Variants in AKT3 observed in about 807,000 individuals in gnomAD.
AKT3 encodes AKT serine/threonine kinase 3.
A neutral mutation model predicts 65.3 loss-of-function variants in AKT3; 15 were observed. The ratio of observed to expected loss-of-function variants is 0.23; its 90% CI spans 0.15 to 0.35. AKT3 has a LOEUF of 0.35. Ranked by LOEUF, AKT3 falls within the 10% of genes least tolerant of loss-of-function variation. AKT3 has a pLI of 1.00. For synonymous variants in AKT3, 206 were observed against 183.8 expected, an observed-to-expected ratio of 1.12 and a Z score of -0.98; for missense variants, 243 against 576.5, an observed-to-expected ratio of 0.42 and a Z score of 5.92.
chr1:243,835,372 G>A (rs535640589), intron 2 of AKT3, among the ~76,000 whole-genome samples: 46 of 151,958 alleles, frequency 3.0e-4, no homozygotes, highest in African/African-American at 1.1e-3. Context: ...ACTACCTATA[G>A]GGTACTATGT....
At chr1:243,600,622 C>T (rs143617623) in intron 8 of AKT3, among the ~76,000 whole-genome samples, 2 of 152,152 alleles carry the variant, frequency 1.3e-5, no homozygotes, top group African/African-American at 4.8e-5. Flanking sequence ...ACAAATGAAA[C>T]ATGACCCTTA....
At chr1:243,791,104 A>T (rs750860417) in intron 2 of AKT3, among the ~76,000 whole-genome samples, 2 of 152,208 alleles carry the variant, frequency 1.3e-5, no homozygotes, top group Non-Finnish European at 2.9e-5. Flanking sequence ...ACAAATCTTC[A>T]ATTTGTAAGA....
chr1:243,745,930 T>C (rs1321600423), intron 2 of AKT3, among the ~76,000 whole-genome samples: 1 of 152,190 alleles, frequency 6.6e-6, no homozygotes, highest in Non-Finnish European at 1.5e-5. Context: ...GTAGTATTCA[T>C]CCTGAAAATA....
intron 2 of AKT3, among the ~76,000 whole-genome samples, chr1:243,712,449 G>T (rs1316925774): frequency 6.6e-6 from 1 of 152,028 alleles, no homozygotes; most frequent in Non-Finnish European, 1.5e-5. Context: ...ACCATGCTTT[G>T]GGCAATTTCT....
chr1:243,654,306 T>C (rs1034113042), intron 4 of AKT3, among the ~76,000 whole-genome samples: 1 of 143,666 alleles, frequency 7.0e-6, no homozygotes, highest in Non-Finnish European at 1.6e-5. Context: ...TTCACTTATA[T>C]AATTAAAACA....
At chr1:243,616,199 C>A (rs1040512314) in intron 6 of AKT3, among the ~76,000 whole-genome samples, 1 of 151,166 alleles carries the variant, frequency 6.6e-6, no homozygotes, top group African/African-American at 2.4e-5. Flanking sequence ...TTATGCCTCA[C>A]CCTGCTTCCA....
intron 12 of AKT3, among the ~76,000 whole-genome samples, chr1:243,523,993 T>C (rs1049290752): frequency 6.6e-6 from 1 of 152,174 alleles, no homozygotes; most frequent in Non-Finnish European, 1.5e-5. Context: ...AGTACTTACA[T>C]ACAAGCCTAG....
Position 243,509,349 on chromosome 1 carries a change from T to C in AKT3, c.1354+2975A>G, listed in dbSNP as rs139740670. Among the ~76,000 whole-genome samples the C allele has an allele frequency of 2.0e-5, 3 of 152,268 alleles. No homozygotes were observed. The East Asian group carries it at 5.8e-4, about 29-fold the overall frequency. On this transcript the variant is annotated intron_variant, in intron 13 of 13. Transcript: ENST00000673466. ...AAGTCCTAGAGATTGAGCAATAAAA[T>C]GCACACTAATGACAAATTCTCATCA... is the stretch of plus-strand genomic sequence containing the variant.
intron 2 of AKT3, among the ~76,000 whole-genome samples, chr1:243,697,053 T>G (rs1685102922): frequency 1.3e-5 from 2 of 152,068 alleles, no homozygotes; most frequent in South Asian, 4.1e-4. Flanking sequence ...AGAATCTCTT[T>G]ATATCCTTAA....
chr1:243,551,770 TTTAATA>T (rs977703750), intron 11 of AKT3, among the ~76,000 whole-genome samples: 1 of 152,028 alleles, frequency 6.6e-6, no homozygotes, highest in African/African-American at 2.4e-5. Context: ...TAAGAAACAT[TTTAATA>T]TTAATAGTCA....
intron 5 of AKT3, among the ~76,000 whole-genome samples, chr1:243,642,596 A>T (rs1243255138): frequency 6.6e-6 from 1 of 152,254 alleles, no homozygotes; most frequent in African/African-American, 2.4e-5. Flanking sequence ...GGCGTGAGCC[A>T]CCACGCCCAG....
At chr1:243,584,920 G>C (rs989493448) in intron 8 of AKT3, among the ~76,000 whole-genome samples, 1 of 151,814 alleles carries the variant, frequency 6.6e-6, no homozygotes, top group African/African-American at 2.4e-5. Context: ...GTAAAAGAAA[G>C]AAATAAAAAG....
chr1:243,839,939 T>C (rs1318854084), intron 2 of AKT3, among the ~76,000 whole-genome samples: 1 of 150,934 alleles, frequency 6.6e-6, no homozygotes, highest in Non-Finnish European at 1.5e-5. Context: ...TCCCAGCACT[T>C]TGGGAGGCCA....
In AKT3 at chr1:243,503,352, C is replaced by G. The variant is rs1024387221; in HGVS notation, c.*1897G>C. On this transcript the variant is annotated 3_prime_UTR_variant, in exon 14 of 14. Transcript: ENST00000673466. ...TTCCAGCGTCAAGAGGCTAAGACATCTGCATATGAATATGATTCATCCTAC... is the reference window on the plus strand; with the variant it reads ...TTCCAGCGTCAAGAGGCTAAGACATGTGCATATGAATATGATTCATCCTAC... 1 of 233,560 alleles carries G rather than the reference C, an allele frequency of 4.3e-6. No homozygotes were observed. The highest frequency in any genetic ancestry group is 8.5e-6 in the Non-Finnish European group (1 of 118,020). The allele number at this position is 233,560 out of a possible 1,614,324, so 14.5% of individuals were successfully genotyped here. A position where few individuals can be genotyped will look rare whatever the true frequency, so the allele number is the denominator to read the frequency against.
intron 2 of AKT3, among the ~76,000 whole-genome samples, chr1:243,816,966 A>C (rs1485191288): frequency 6.6e-6 from 1 of 152,198 alleles, no homozygotes; most frequent in African/African-American, 2.4e-5. Flanking sequence ...TTGCACGAGT[A>C]AAATGTATTG....
At chr1:243,745,938 A>G (rs1048123065) in intron 2 of AKT3, among the ~76,000 whole-genome samples, 4 of 152,234 alleles carry the variant, frequency 2.6e-5, no homozygotes, top group Non-Finnish European at 2.9e-5. Context: ...CATCCTGAAA[A>G]TAGTTTCCAA....
chr1:243,677,196 T>A (rs1318944880), intron 3 of AKT3, among the ~76,000 whole-genome samples: 1 of 152,210 alleles, frequency 6.6e-6, no homozygotes, highest in Non-Finnish European at 1.5e-5. Context: ...ACCTGACACA[T>A]ACTCCCTTCC....
chr1:243,644,244 CTGTT>C (rs1371390868), intron 5 of AKT3, among the ~76,000 whole-genome samples: 1 of 152,176 alleles, frequency 6.6e-6, no homozygotes, highest in Non-Finnish European at 1.5e-5. Context: ...TGACTATACT[CTGTT>C]TCTCAAAATA....
At chr1:243,825,930 G>A (rs1346679613) in intron 2 of AKT3, among the ~76,000 whole-genome samples, 1 of 152,016 alleles carries the variant, frequency 6.6e-6, no homozygotes, top group East Asian at 1.9e-4. Context: ...TCAAGAGTTC[G>A]AGGTCAGCCT....
Sources: gnomAD v4.1 joint callset for allele counts (sites outside exome capture counted in the v4.1 genomes callset) on GRCh38, gnomAD v4.1.1 for gene constraint, MANE v1.5 for transcripts, NCBI Gene and HGNC (gene_info 2026-07-23, HGNC 2026-07-21) for gene names.